SLC24A3: variants seen among roughly 807,000 people sequenced by gnomAD.
SLC24A3 encodes solute carrier family 24 member 3, also known as sodium/potassium/calcium exchanger 3.
In SLC24A3, 28 loss-of-function variants were observed where a neutral mutation model predicts 75.8. The ratio of observed to expected loss-of-function variants is 0.37; its 90% confidence interval spans 0.27 to 0.51. SLC24A3 has a LOEUF of 0.51. Ranked by LOEUF, SLC24A3 falls within the 20% of genes least tolerant of loss-of-function variation. The probability of loss-of-function intolerance (pLI) is 0.94; values close to 1 mark genes in which losing one functional copy is unlikely to be tolerated. For missense variants in SLC24A3, 663 were observed against 847.8 expected, an observed-to-expected ratio of 0.78 and a Z score of 2.71; for synonymous variants, 372 against 334.1, an observed-to-expected ratio of 1.11 and a Z score of -1.24.
chr20:19,422,104 C>T (rs147298725), intron 2 of SLC24A3, among the ~76,000 whole-genome samples: 29 of 152,148 alleles, frequency 1.9e-4, no homozygotes, highest in African/African-American at 6.7e-4. Context: ...TCTGGTCGAT[C>T]CTACTGAGTG....
intron 2 of SLC24A3, among the ~76,000 whole-genome samples, chr20:19,496,024 C>T (rs1460746497): frequency 6.6e-6 from 1 of 152,128 alleles, no homozygotes; most frequent in Non-Finnish European, 1.5e-5. Flanking sequence ...CGTGTTCAAG[C>T]CAGTGAAAAC....
intron 3 of SLC24A3, among the ~76,000 whole-genome samples, chr20:19,520,345 T>A (rs887992274): frequency 6.6e-6 from 1 of 152,204 alleles, no homozygotes; most frequent in Non-Finnish European, 1.5e-5. Flanking sequence ...CACTGAGCTG[T>A]TGGAGTTGCT....
At chr20:19,587,750 G>C (rs2031319343) in intron 6 of SLC24A3, among the ~76,000 whole-genome samples, 1 of 152,146 alleles carries the variant, frequency 6.6e-6, no homozygotes, top group African/African-American at 2.4e-5. Context: ...TGTTCTCAAA[G>C]CCTCATTTTT....
intron 15 of SLC24A3, among the ~76,000 whole-genome samples, chr20:19,712,898 A>G (rs550531372): frequency 3.9e-5 from 6 of 152,374 alleles, no homozygotes; most frequent in Admixed American, 2.6e-4. Context: ...TTCCATTGCT[A>G]TGAAGCTCTA....
chr20:19,566,666 C>T (rs1435723071), intron 3 of SLC24A3, among the ~76,000 whole-genome samples: 1 of 152,166 alleles, frequency 6.6e-6, no homozygotes, highest in East Asian at 1.9e-4. Flanking sequence ...ACAAGAGAGG[C>T]CCTTCCTTGG....
chr20:19,224,598 A>G (rs982715077), intron 1 of SLC24A3, among the ~76,000 whole-genome samples: 7 of 152,176 alleles, frequency 4.6e-5, no homozygotes, highest in African/African-American at 1.4e-4. Flanking sequence ...CTCCATGAAA[A>G]TAGCTTATTT....
In SLC24A3 at chr20:19,279,087, G is replaced by A. The variant is rs79343126; in HGVS notation, c.143-1872G>A. 5.8e-3 allele frequency among the ~76,000 whole-genome samples: 880 copies of A among 152,340 alleles called. 2 individuals carry two copies. The highest frequency in any genetic ancestry group is 0.01 in the South Asian group (49 of 4,830). ...AATGTCCACACTCTCCTTCTTTCTTGAGCGGTGTTGTGAGGTTTGAATTCA... is the reference window on the plus strand; with the variant it reads ...AATGTCCACACTCTCCTTCTTTCTTAAGCGGTGTTGTGAGGTTTGAATTCA... On this transcript the variant is annotated intron_variant, in intron 1 of 16. Coordinates refer to ENST00000328041, the MANE Select transcript of SLC24A3 (RefSeq NM_020689.4).
chr20:19,362,858 C>CT (rs1413920028), intron 2 of SLC24A3, among the ~76,000 whole-genome samples: 1 of 152,140 alleles, frequency 6.6e-6, no homozygotes, highest in Admixed American at 6.5e-5. Flanking sequence ...TTGCCTTATG[C>CT]TTTTGGGTGT....
intron 2 of SLC24A3, among the ~76,000 whole-genome samples, chr20:19,358,797 G>A (rs1380142152): frequency 6.6e-6 from 1 of 152,144 alleles, no homozygotes; most frequent in Non-Finnish European, 1.5e-5. Context: ...CAGGCCCCCG[G>A]CAGTCACCAA....
At position 19,368,686 on chromosome 20, in the gene SLC24A3, G is replaced by T. The variant is rs912949909; in HGVS notation, c.271+87599G>T. 2.6e-5 allele frequency among the ~76,000 whole-genome samples: 4 copies of T among 152,330 alleles called. No homozygotes were observed. The East Asian group carries it at 7.7e-4, about 29-fold the overall frequency. On this transcript the variant is annotated intron_variant, in intron 2 of 16. Coordinates refer to ENST00000328041, the MANE Select transcript of SLC24A3 (RefSeq NM_020689.4). The stretch of plus-strand genomic sequence containing the variant: ...GGGGCAGGCAGCCATGACAACCATT[G>T]GCCCCAATACCCAGCAGTGTAGCCA...
At chr20:19,323,224 A>G (rs904630218) in intron 2 of SLC24A3, among the ~76,000 whole-genome samples, 7 of 151,524 alleles carry the variant, frequency 4.6e-5, no homozygotes, top group South Asian at 4.1e-4. Flanking sequence ...AAAAAAAAAA[A>G]AAGAAGAAGA....
chr20:19,686,232 A>G (rs2032674050), intron 12 of SLC24A3, among the ~76,000 whole-genome samples: 1 of 152,098 alleles, frequency 6.6e-6, no homozygotes, highest in South Asian at 2.1e-4. Flanking sequence ...CACCCATCCC[A>G]TTGCACCTAG....
intron 3 of SLC24A3, among the ~76,000 whole-genome samples, chr20:19,533,098 T>A (rs1036023160): frequency 6.6e-6 from 1 of 152,236 alleles, no homozygotes; most frequent in African/African-American, 2.4e-5. Flanking sequence ...CAATTTGTTA[T>A]CAGTCCTGGG....
intron 2 of SLC24A3, among the ~76,000 whole-genome samples, chr20:19,455,809 T>C (rs1167696370): frequency 6.6e-6 from 1 of 152,238 alleles, no homozygotes; most frequent in African/African-American, 2.4e-5. Context: ...AGTCGCCTTC[T>C]GGGGGAAGTC....
At chr20:19,609,327 A>G (rs1274984806) in intron 6 of SLC24A3, among the ~76,000 whole-genome samples, 1 of 151,842 alleles carries the variant, frequency 6.6e-6, no homozygotes, top group Admixed American at 6.6e-5. Flanking sequence ...TTTTTCAGTT[A>G]TAAAGACTTT....
At chr20:19,294,731 G>A (rs192075205) in intron 2 of SLC24A3, among the ~76,000 whole-genome samples, 1 of 152,220 alleles carries the variant, frequency 6.6e-6, no homozygotes, top group African/African-American at 2.4e-5. Context: ...ATTGTGAATA[G>A]TGCTGCAATG....
At chr20:19,701,216 A>G (rs2032868301) in intron 15 of SLC24A3, among the ~76,000 whole-genome samples, 1 of 152,150 alleles carries the variant, frequency 6.6e-6, no homozygotes, top group Admixed American at 6.5e-5. Context: ...ATCCATGTTT[A>G]GCTCTTCCAT....
chr20:19,380,655 G>A (rs1399230537), intron 2 of SLC24A3, among the ~76,000 whole-genome samples: 1 of 152,048 alleles, frequency 6.6e-6, no homozygotes, highest in Non-Finnish European at 1.5e-5. Context: ...CTGGTCCTGG[G>A]GTATTTATTA....
intron 1 of SLC24A3, among the ~76,000 whole-genome samples, chr20:19,232,859 C>G (rs1982061328): frequency 6.6e-6 from 1 of 152,200 alleles, no homozygotes; most frequent in Non-Finnish European, 1.5e-5. Context: ...CATTCCTCAT[C>G]AGAAATGCCC....
Sources: allele counts gnomAD v4.1 joint callset (sites outside exome capture counted in the v4.1 genomes callset), GRCh38; gene constraint gnomAD v4.1.1; transcripts MANE v1.5; gene names NCBI Gene and HGNC (gene_info 2026-07-23, HGNC 2026-07-21).